The following EXO1 variants were observed in gnomAD, a reference collection of about 807,000 sequenced individuals.
EXO1 encodes the protein exonuclease 1.
EXO1 carries 69 observed loss-of-function variants against 84.5 expected under a neutral mutation model. The ratio of observed to expected loss-of-function variants is 0.82; its 90% CI spans 0.67 to 1.00. The LOEUF is 1.00. EXO1 is among the 50% of genes least tolerant of loss of function. The pLI is 0.00. For synonymous variants in EXO1, 373 were observed against 366.1 expected (o/e 1.02, Z -0.21); for missense variants, 1,045 against 1,000.7 (o/e 1.04, Z -0.60).
At chr1:241,851,178 T>G (rs1660653054) in intron 4 of EXO1, among the ~76,000 whole-genome samples, 1 of 152,306 alleles carries the variant, frequency 6.6e-6, no homozygotes, top group African/African-American at 2.4e-5. Flanking sequence ...TGAAAATCCG[T>G]GATGATTTCT....
intron 12 of EXO1, among the ~76,000 whole-genome samples, chr1:241,873,468 GT>G (rs3835630): frequency 6.6e-6 from 1 of 151,882 alleles, no homozygotes; most frequent in African/African-American, 2.4e-5. Context: ...TACAGAAATT[GT>G]TTTTTTGGGG....
At chr1:241,872,373 A>G (rs754686786) in intron 12 of EXO1, 95 bp downstream of exon 12, 18 of 1,368,340 alleles carry the variant, frequency 1.3e-5, no homozygotes, top group Non-Finnish European at 1.8e-5. Context: ...TATTTATTAT[A>G]CTTTAAGTTC....
chr1:241,866,145 C>CT (rs952723897), intron 10 of EXO1, among the ~76,000 whole-genome samples: 2 of 152,118 alleles, frequency 1.3e-5, no homozygotes, highest in South Asian at 2.1e-4. Context: ...GATTGCTTTC[C>CT]TTTTTTGTTT....
At chr1:241,868,975 G>C (rs984917084) in intron 11 of EXO1, among the ~76,000 whole-genome samples, 2 of 152,138 alleles carry the variant, frequency 1.3e-5, no homozygotes, top group African/African-American at 4.8e-5. Flanking sequence ...ATTAGTTCTA[G>C]TATCTCTTTT....
At position 241,851,160 on chromosome 1, in the gene EXO1, A is replaced by G. The variant is rs113839038; in HGVS notation, c.161+574A>G. Among the ~76,000 whole-genome samples, 961 of 152,268 alleles carry G rather than the reference A, an allele frequency of 6.3e-3. 12 individuals are homozygous for G. Among genetic ancestry groups the G allele is most frequent in the African/African-American group, 0.022 (905 of 41,554 alleles). ...CTTAACCTAAGATAAATTTTTTAAC[A>G]AATGCTTTGAAAATCCGTGATGATT... On this transcript the variant is annotated intron_variant, in intron 4 of 15. Coordinates refer to ENST00000366548, the MANE Select transcript of EXO1 (RefSeq NM_130398.4).
In EXO1 at chr1:241,853,477, TTAAAG is replaced by T; in HGVS notation, c.405_405+4del. 6.2e-7 allele frequency: 1 copy of T among 1,613,848 alleles called. No individual in the cohort carries two copies. The highest frequency in any genetic ancestry group is 8.5e-7 in the Non-Finnish European group (1 of 1,179,972). ...ACACATGCCATGGCCCACAAAGTAA[TTAAAG>T]TAAGACAAAGGGGCAGATGGGCAAG... On this transcript the variant is annotated splice_donor_variant and coding_sequence_variant, in exon 6 of 16. Coordinates refer to ENST00000366548, the MANE Select transcript of EXO1 (RefSeq NM_130398.4). LOFTEE classifies it high-confidence loss of function.
chr1:241,889,118 G>T (rs2148557062), intron 15 of EXO1, among the ~76,000 whole-genome samples: 1 of 152,120 alleles, frequency 6.6e-6, no homozygotes, highest in South Asian at 2.1e-4. Flanking sequence ...TTAACCATTT[G>T]TTCCTGCTTC....
intron 5 of EXO1, among the ~76,000 whole-genome samples, chr1:241,852,829 G>A (rs1660745875): frequency 6.6e-6 from 1 of 152,014 alleles, no homozygotes; most frequent in African/African-American, 2.4e-5. Flanking sequence ...GCTAATTTTT[G>A]TGTTTTTAGT....
At chr1:241,877,478 TG>T (rs1249794283) in intron 12 of EXO1, among the ~76,000 whole-genome samples, 1 of 152,160 alleles carries the variant, frequency 6.6e-6, no homozygotes, top group Non-Finnish European at 1.5e-5. Context: ...TTCCACGTAC[TG>T]CTTCCTGCCC....
intron 6 of EXO1, among the ~76,000 whole-genome samples, chr1:241,855,768 C>G (rs982379176): frequency 2.6e-5 from 4 of 152,256 alleles, no homozygotes; most frequent in South Asian, 2.1e-4. Context: ...AGCGCAGCGC[C>G]GGTGGGCCGG....
chr1:241,851,147 T>C (rs1400448678), intron 4 of EXO1, among the ~76,000 whole-genome samples: 1 of 152,196 alleles, frequency 6.6e-6, no homozygotes, highest in Non-Finnish European at 1.5e-5. Context: ...TAACCTAAGA[T>C]AAATTTTTTA....
intron 4 of EXO1, 149 bp from the exon 5 acceptor site, chr1:241,852,143 T>C (rs1660705606): frequency 1.5e-6 from 1 of 665,824 alleles, no homozygotes; most frequent in Non-Finnish European, 2.6e-6. Flanking sequence ...GTCTAGTAAG[T>C]TAGAGTTCCA....
chr1:241,885,381 C>T lies in EXO1; in HGVS notation c.2279C>T (p.Pro760Leu), dbSNP rs1345101080. 8 of 1,613,784 alleles carry T rather than the reference C, an allele frequency of 5.0e-6. No individual in the cohort carries two copies. In the East Asian group the frequency reaches 1.8e-4, roughly 36 times the overall value. ...LSTTKIKPLG[P>L]ARASGLSKKP... The stretch of plus-strand genomic sequence containing the variant: ...ACAACCAAGATCAAACCTCTAGGAC[C>T]TGCCAGAGCCAGTGGGCTGAGCAAG... The change falls in exon 15 of 16, where the codon CCT becomes CTT. Residue 760 changes from proline (P) to leucine (L), a missense_variant. Pro to Leu is a moderately conservative substitution (Grantham distance 98, BLOSUM62 -3). Transcript: ENST00000366548.
At chr1:241,852,957 T>TA (rs978689960) in intron 5 of EXO1, among the ~76,000 whole-genome samples, 9 of 151,790 alleles carry the variant, frequency 5.9e-5, no homozygotes, top group East Asian at 1.9e-4. Flanking sequence ...GTGCCTGGCC[T>TA]AAAAAAAAAT....
Position 241,858,609 on chromosome 1 carries a change from G to A in EXO1, c.647G>A (p.Arg216His), listed in dbSNP as rs773014713. ...GATGTATTCACGGAAGAGAAGTTTC[G>A]TTACATGTGTATTCTTTCAGGTTGT... is the stretch of plus-strand genomic sequence containing the variant. ...LGDVFTEEKF[R>H]YMCILSGCDY... Residue 216 changes from arginine to histidine, a missense_variant, in exon 8 of 16, where the codon CGT becomes CAT. Physicochemically the swap from Arg to His is conservative, Grantham distance 29 (BLOSUM62 0). Transcript: ENST00000366548. 11 of 1,613,874 alleles carry A rather than the reference G, an allele frequency of 6.8e-6. No individual in the cohort carries two copies. Among genetic ancestry groups the A allele is most frequent in the South Asian group, 5.5e-5 (5 of 91,080 alleles).
intron 12 of EXO1, among the ~76,000 whole-genome samples, chr1:241,872,799 G>A (rs1001942358): frequency 6.6e-6 from 1 of 152,306 alleles, no homozygotes; most frequent in South Asian, 2.1e-4. Flanking sequence ...ATTGTGAATA[G>A]TGCTGCAATA....
intron 12 of EXO1, among the ~76,000 whole-genome samples, chr1:241,875,145 A>G (rs1662319075): frequency 6.6e-6 from 1 of 152,162 alleles, no homozygotes; most frequent in Admixed American, 6.5e-5. Context: ...CTGGGACTAC[A>G]GGCACCCGCC....
At chr1:241,877,794 G>A (rs1428239474) in intron 12 of EXO1, among the ~76,000 whole-genome samples, 2 of 151,904 alleles carry the variant, frequency 1.3e-5, no homozygotes, top group East Asian at 3.9e-4. Flanking sequence ...TGATTTGAAA[G>A]AAAGTCTTAA....
At chr1:241,888,841 G>A (rs1429316811) in intron 15 of EXO1, among the ~76,000 whole-genome samples, 1 of 152,176 alleles carries the variant, frequency 6.6e-6, no homozygotes, top group Non-Finnish European at 1.5e-5. Context: ...TTGGGAGGCT[G>A]AGGCAGGCAG....
Sources: allele counts gnomAD v4.1 joint callset (sites outside exome capture counted in the v4.1 genomes callset), GRCh38; gene constraint gnomAD v4.1.1; transcripts MANE v1.5; gene names NCBI Gene and HGNC (gene_info 2026-07-23, HGNC 2026-07-21).